MYO9A: variants seen among roughly 807,000 people sequenced by gnomAD.
The protein encoded by MYO9A is myosin IXA.
MYO9A carries 103 observed loss-of-function variants against 293.3 expected under a neutral mutation model. The observed-to-expected ratio is 0.35, with a 90% CI of 0.30 to 0.41. MYO9A has a LOEUF of 0.41. Ranked by LOEUF, MYO9A falls within the 10% of genes least tolerant of loss-of-function variation. The probability of loss-of-function intolerance (pLI) is 1.00; values close to 1 mark genes in which losing one functional copy is unlikely to be tolerated. For missense variants in MYO9A, 2,685 were observed against 3,033.0 expected (o/e 0.89, Z 2.69); for synonymous variants, 1,001 against 1,035.7 (o/e 0.97, Z 0.64).
At chr15:72,028,196 CA>C (rs957923954) in intron 3 of MYO9A, among the ~76,000 whole-genome samples, 2 of 108,266 alleles carry the variant, frequency 1.8e-5, no homozygotes, top group African/African-American at 7.0e-5. Flanking sequence ...GAATCTGTCT[CA>C]AAAAAATAAA....
intron 12 of MYO9A, among the ~76,000 whole-genome samples, chr15:71,976,764 A>C (rs75001873): frequency 0.02 from 3,053 of 152,336 alleles, 110 homozygotes; most frequent in African/African-American, 0.068. Context: ...ACAGCATTTT[A>C]ATTTCTTTAG....
intron 34 of MYO9A, among the ~76,000 whole-genome samples, chr15:71,855,430 C>G (rs1406329217): frequency 6.6e-6 from 1 of 152,190 alleles, no homozygotes; most frequent in Non-Finnish European, 1.5e-5. Context: ...ACCACTGTGT[C>G]CAGCCAATAT....
chr15:72,073,727 A>T lies in MYO9A; in HGVS notation c.-71-27093T>A, dbSNP rs16956539. Among the ~76,000 whole-genome samples, 471 of 152,268 alleles carry T rather than the reference A, an allele frequency of 3.1e-3. 3 individuals carry two copies. The highest frequency in any genetic ancestry group is 0.01 in the South Asian group (50 of 4,824). On this transcript the variant is annotated intron_variant, in intron 1 of 41. Coordinates refer to ENST00000356056, the MANE Select transcript of MYO9A (RefSeq NM_006901.4). Reference sequence around the variant, plus strand: ...GTAATTTGGATAACTCTTACAGACCAAATTGAGGTATCTACTAACCGAAAG... The same window carrying T: ...GTAATTTGGATAACTCTTACAGACCTAATTGAGGTATCTACTAACCGAAAG...
intron 18 of MYO9A, among the ~76,000 whole-genome samples, chr15:71,921,337 T>C (rs1054215101): frequency 6.6e-6 from 1 of 152,158 alleles, no homozygotes; most frequent in African/African-American, 2.4e-5. Context: ...CATCTCAGAG[T>C]CATAGTTGTA....
At position 71,916,466 on chromosome 15, in the gene MYO9A, C is replaced by A; in HGVS notation, c.2589G>T (p.Lys863Asn). Reference sequence around the variant, plus strand: ...CTTGTAGTGTCAGTCTTGTCAGGTGCTTTAAAGAATTTACTTCTAGCAAGT... The same window carrying A: ...CTTGTAGTGTCAGTCTTGTCAGGTGATTTAAAGAATTTACTTCTAGCAAGT... ...PKHLLEVNSLKHLTRLTLQDR... is the reference protein window; with the variant it reads ...PKHLLEVNSLNHLTRLTLQDR... Residue 863 changes from lysine to asparagine, a missense_variant, in exon 19 of 42, where the codon AAG becomes AAT. By Grantham distance (94) the Lys-to-Asn change is moderately conservative. Coordinates refer to ENST00000356056, the MANE Select transcript of MYO9A (RefSeq NM_006901.4). The A allele has an allele frequency of 6.2e-7, 1 of 1,609,722 alleles. No homozygotes were observed. Among genetic ancestry groups the A allele is most frequent in the Non-Finnish European group, 8.5e-7 (1 of 1,178,590 alleles).
At chr15:72,076,722 C>A (rs1292979519) in intron 1 of MYO9A, among the ~76,000 whole-genome samples, 3 of 152,136 alleles carry the variant, frequency 2.0e-5, no homozygotes, top group African/African-American at 7.2e-5. Context: ...AGCAAAGTTA[C>A]TTTGTGAATA....
intron 6 of MYO9A, among the ~76,000 whole-genome samples, chr15:72,011,877 C>T (rs544152450): frequency 9.3e-4 from 142 of 152,228 alleles, no homozygotes; most frequent in Non-Finnish European, 1.6e-3. Context: ...TTATTAACTG[C>T]AGATCCCCAG....
chr15:71,872,527 C>A (rs1346095096), intron 32 of MYO9A, among the ~76,000 whole-genome samples: 1 of 152,088 alleles, frequency 6.6e-6, no homozygotes, highest in Non-Finnish European at 1.5e-5. Context: ...TCCCCAAATA[C>A]CCTGACTTGA....
intron 28 of MYO9A, among the ~76,000 whole-genome samples, chr15:71,881,757 C>A (rs1038196788): frequency 2.0e-5 from 3 of 152,098 alleles, no homozygotes; most frequent in African/African-American, 7.2e-5. Context: ...AAACACACAA[C>A]AAAGTCTGCT....
upstream of MYO9A, chr15:72,118,245 C>A: frequency 3.0e-6 from 1 of 329,824 alleles, no homozygotes; most frequent in East Asian, 4.7e-5. Flanking sequence ...CGTGCGCTTG[C>A]GCAGACACGC....
intron 11 of MYO9A, 103 bp downstream of exon 11, chr15:71,991,000 T>C (rs982218548): frequency 6.2e-6 from 7 of 1,138,080 alleles, no homozygotes; most frequent in African/African-American, 1.6e-5. Flanking sequence ...AAAAACACTA[T>C]GTAAATCAAT....
At chr15:72,051,561 C>A (rs989962506) in intron 1 of MYO9A, among the ~76,000 whole-genome samples, 1 of 152,170 alleles carries the variant, frequency 6.6e-6, no homozygotes, top group Non-Finnish European at 1.5e-5. Context: ...CGCCCAGTCC[C>A]TGCAGGCTCA....
intron 32 of MYO9A, among the ~76,000 whole-genome samples, chr15:71,862,887 A>G (rs910586500): frequency 1.3e-5 from 2 of 151,954 alleles, no homozygotes; most frequent in Admixed American, 6.6e-5. Flanking sequence ...GTTACATTAA[A>G]AGCAGCAGTT....
chr15:71,899,720 T>C lies in MYO9A; in HGVS notation c.3437A>G (p.Gln1146Arg). ...TGCTCTGAATCCTCTACATGTTGAT[T>C]GCAAAAGGATAATTTTTTTCCTTTG... ...QEQRKKIILL[Q>R]STCRGFRARQ... is the part of the protein sequence containing the mutation. The change falls in exon 24 of 42, where the codon CAA (glutamine) becomes CGA (arginine). Residue 1146 changes from glutamine (Q) to arginine (R), a missense_variant. Transcript: ENST00000356056. 6.2e-7 allele frequency: 1 copy of C among 1,613,934 alleles called. No individual in the cohort carries two copies. The highest frequency in any genetic ancestry group is 8.5e-7 in the Non-Finnish European group (1 of 1,179,960).
At chr15:71,902,903 C>G (rs182146520) in intron 22 of MYO9A, 38 bp downstream of exon 22, 7 of 1,404,352 alleles carry the variant, frequency 5.0e-6, no homozygotes, top group Non-Finnish European at 6.7e-6. Context: ...TAAATAAATG[C>G]ACTCAATTTT....
chr15:72,103,333 A>C (rs866937370), intron 1 of MYO9A, among the ~76,000 whole-genome samples: 2 of 140,022 alleles, frequency 1.4e-5, no homozygotes, highest in South Asian at 2.4e-4. Flanking sequence ...GCAGCAGCAG[A>C]AGCAGAAGCA....
At chr15:72,047,095 T>C (rs561868403) in intron 1 of MYO9A, among the ~76,000 whole-genome samples, 1 of 152,302 alleles carries the variant, frequency 6.6e-6, no homozygotes, top group Non-Finnish European at 1.5e-5. Context: ...TTGTAAAATT[T>C]GTTAAAAACA....
chr15:71,860,969 CA>C (rs61030744), intron 33 of MYO9A, among the ~76,000 whole-genome samples: 2,627 of 32,332 alleles, frequency 0.081, 36 homozygotes, highest in African/African-American at 0.28. Flanking sequence ...TCCATCTCAC[CA>C]AAAAAAAAAA....
At chr15:71,990,162 G>C (rs1238177996) in intron 11 of MYO9A, among the ~76,000 whole-genome samples, 1 of 149,018 alleles carries the variant, frequency 6.7e-6, no homozygotes, top group East Asian at 2.0e-4. Context: ...ACAGCTCACT[G>C]CAACATACAC....
Sources: allele counts gnomAD v4.1 joint callset (sites outside exome capture counted in the v4.1 genomes callset), GRCh38; gene constraint gnomAD v4.1.1; transcripts MANE v1.5; gene names NCBI Gene and HGNC (gene_info 2026-07-23, HGNC 2026-07-21).